FOXP2: variants seen among roughly 807,000 people sequenced by gnomAD.
FOXP2 encodes the protein forkhead box P2, also known as forkhead box protein P2.
Under a neutral mutation model 115.8 loss-of-function variants are expected in FOXP2, and 12 were observed. The observed-to-expected ratio is 0.10, with a 90% CI of 0.07 to 0.17. The LOEUF (loss-of-function observed/expected upper bound fraction) is 0.17. FOXP2 is among the 10% of genes least tolerant of loss of function. FOXP2 has a pLI of 1.00. For missense variants in FOXP2, 629 were observed against 843.5 expected (o/e 0.75, Z 3.15); for synonymous variants, 328 against 297.7 (o/e 1.10, Z -1.05).
chr7:114,121,939 A>G (rs1236452358), intron 1 of FOXP2, among the ~76,000 whole-genome samples: 1 of 152,110 alleles, frequency 6.6e-6, no homozygotes. Flanking sequence ...ATTTGAAGAA[A>G]CATTGAAATA....
chr7:114,160,261 G>A (rs1792793784), upstream of FOXP2, among the ~76,000 whole-genome samples: 1 of 152,114 alleles, frequency 6.6e-6, no homozygotes, highest in African/African-American at 2.4e-5. Context: ...AAATGGGACT[G>A]AGAGACAGGA....
chr7:114,127,261 C>T (rs945379703), intron 1 of FOXP2, among the ~76,000 whole-genome samples: 4 of 152,194 alleles, frequency 2.6e-5, no homozygotes, highest in African/African-American at 4.8e-5. Context: ...ATGGGAGCTA[C>T]ACTCTTATGT....
chr7:114,636,944 C>T (rs546498650), intron 6 of FOXP2, among the ~76,000 whole-genome samples: 1 of 152,194 alleles, frequency 6.6e-6, no homozygotes, highest in South Asian at 2.1e-4. Context: ...GAGGCTGAGG[C>T]TGGAGGATCA....
chr7:114,097,668 T>C (rs1370365922), intron 1 of FOXP2, among the ~76,000 whole-genome samples: 1 of 152,164 alleles, frequency 6.6e-6, no homozygotes, highest in Non-Finnish European at 1.5e-5. Context: ...CCACCTTCCA[T>C]TCCCACTTCC....
rs748966756 is a variant in FOXP2, at chr7:114,663,431, T to C, written c.1770-19T>C. ...TATATTTTGACGTATAAATGATCTT[T>C]ATATATTTTTTTTTTCAGAAGTCCA... On this transcript the variant is annotated intron_variant, in intron 14 of 16. Coordinates refer to ENST00000350908, the MANE Select transcript of FOXP2 (RefSeq NM_014491.4). 1.3e-5 allele frequency: 19 copies of C among 1,504,610 alleles called. No individual in the cohort carries two copies. Among genetic ancestry groups the C allele is most frequent in the Admixed American group, 1.7e-5 (1 of 57,870 alleles). The allele number at this position is 1,504,610 out of a possible 1,614,324, so 93.2% of individuals were successfully genotyped here.
In FOXP2 at chr7:114,550,039, A is replaced by G. The variant is rs578239542; in HGVS notation, c.258+15333A>G. Among the ~76,000 whole-genome samples the G allele has an allele frequency of 3.2e-4, 49 of 150,888 alleles. 1 individual carries two copies. Among genetic ancestry groups the G allele is most frequent in the Admixed American group, 6.6e-4 (10 of 15,160 alleles). ...AAACTCTTAATACCAAGGCAGGTAT[A>G]TGGTAGACTGGGTGCAAGGTAATGA... On this transcript the variant is annotated intron_variant, in intron 3 of 16. Coordinates refer to ENST00000350908, the MANE Select transcript of FOXP2 (RefSeq NM_014491.4).
chr7:114,448,368 T>C (rs1794925540), intron 2 of FOXP2, among the ~76,000 whole-genome samples: 1 of 152,146 alleles, frequency 6.6e-6, no homozygotes, highest in Non-Finnish European at 1.5e-5. Context: ...TTTTCAAAGC[T>C]GAGTTATAAG....
At chr7:114,630,217 C>T (rs1177626910) in intron 5 of FOXP2, among the ~76,000 whole-genome samples, 1 of 152,050 alleles carries the variant, frequency 6.6e-6, no homozygotes, top group Non-Finnish European at 1.5e-5. Context: ...ATGCTGCTGT[C>T]GTCTAATGTT....
At chr7:114,095,505 C>G (rs911955523) in intron 1 of FOXP2, among the ~76,000 whole-genome samples, 9 of 151,694 alleles carry the variant, frequency 5.9e-5, no homozygotes, top group Non-Finnish European at 1.2e-4. Context: ...AGATCATTCC[C>G]CTCCTTCCCA....
intron 1 of FOXP2, among the ~76,000 whole-genome samples, chr7:114,261,706 G>A (rs1189393200): frequency 6.6e-6 from 1 of 152,092 alleles, no homozygotes; most frequent in African/African-American, 2.4e-5. Flanking sequence ...TGATTAGCAT[G>A]GTGTCTGATG....
At chr7:114,157,974 A>C (rs1792712857) in intron 1 of FOXP2, among the ~76,000 whole-genome samples, 1 of 152,104 alleles carries the variant, frequency 6.6e-6, no homozygotes, top group South Asian at 2.1e-4. Context: ...TTTAAGAAAC[A>C]ATATTTAAGA....
chr7:114,538,861 A>G (rs1584868800), intron 3 of FOXP2, among the ~76,000 whole-genome samples: 1 of 151,830 alleles, frequency 6.6e-6, no homozygotes, highest in East Asian at 1.9e-4. Context: ...TGCCTTGGAA[A>G]CAAAGAATTA....
rs10234245 is a variant in FOXP2, at chr7:114,091,191, C to T, written c.-247+3353C>T. Reference sequence around the variant, plus strand: ...ATTTATCCATTCCTGCCCTAAATTTCCCAGACAAAACAAACAAACAAAAAA... The same window carrying T: ...ATTTATCCATTCCTGCCCTAAATTTTCCAGACAAAACAAACAAACAAAAAA... On this transcript the variant is annotated intron_variant, in intron 1 of 19. Transcript: ENST00000635638. 2.4e-3 allele frequency among the ~76,000 whole-genome samples: 367 copies of T among 151,670 alleles called. 2 individuals are homozygous for T. Among genetic ancestry groups the T allele is most frequent in the African/African-American group, 8.5e-3 (351 of 41,434 alleles).
At chr7:114,571,210 G>A (rs1563006710) in intron 3 of FOXP2, among the ~76,000 whole-genome samples, 3 of 151,798 alleles carry the variant, frequency 2.0e-5, no homozygotes, top group Admixed American at 1.3e-4. Context: ...GAAAATAAAT[G>A]GGCATAGATA....
intron 3 of FOXP2, among the ~76,000 whole-genome samples, chr7:114,579,041 A>G (rs1563011890): frequency 6.6e-6 from 1 of 152,194 alleles, no homozygotes; most frequent in Non-Finnish European, 1.5e-5. Context: ...TTTAGACTAT[A>G]CATTCAAGAA....
intron 2 of FOXP2, among the ~76,000 whole-genome samples, chr7:114,520,581 A>T (rs1798574644): frequency 6.6e-6 from 1 of 152,180 alleles, no homozygotes; most frequent in South Asian, 2.1e-4. Flanking sequence ...TAGTTAAATG[A>T]ATGAGTGAAA....
At chr7:114,576,634 T>C (rs1016031540) in intron 3 of FOXP2, among the ~76,000 whole-genome samples, 6 of 151,940 alleles carry the variant, frequency 3.9e-5, no homozygotes, top group African/African-American at 1.4e-4. Flanking sequence ...CACTAGAATA[T>C]GTATGTGGCA....
At position 114,644,964 on chromosome 7, in the gene FOXP2, A is replaced by G. The variant is rs116455927; in HGVS notation, c.1094+175A>G. On this transcript the variant is annotated intron_variant, in intron 8 of 16. Coordinates refer to ENST00000350908, the MANE Select transcript of FOXP2 (RefSeq NM_014491.4). ...TAGTAAGATCAGGCTTCATCTTTTC[A>G]TTAAGATATTTTACAAATCATTTAG... 1,378 of 551,890 alleles carry G rather than the reference A, an allele frequency of 2.5e-3. 22 individuals carry two copies. The highest frequency in any genetic ancestry group is 0.024 in the African/African-American group (1,264 of 52,612). The allele number at this position is 551,890 out of a possible 1,614,324, so 34.2% of individuals were successfully genotyped here. A position where few individuals can be genotyped will look rare whatever the true frequency, so the allele number is the denominator to read the frequency against.
intron 16 of FOXP2, among the ~76,000 whole-genome samples, chr7:114,671,511 T>A (rs1466810991): frequency 6.6e-6 from 1 of 152,198 alleles, no homozygotes; most frequent in Admixed American, 6.5e-5. Flanking sequence ...GCTTACTGCT[T>A]CTGTTTTATA....
Sources: gnomAD v4.1 joint callset for allele counts (sites outside exome capture counted in the v4.1 genomes callset) on GRCh38, gnomAD v4.1.1 for gene constraint, MANE v1.5 for transcripts, NCBI Gene and HGNC (gene_info 2026-07-23, HGNC 2026-07-21) for gene names.